CDH13: variants seen among roughly 807,000 people sequenced by gnomAD.
The protein encoded by CDH13 is cadherin-13.
In CDH13, 24 loss-of-function variants were observed where a neutral mutation model predicts 63.8. That is an observed-to-expected ratio of 0.38 (90% CI 0.27 to 0.53). The LOEUF is 0.53. Among genes scored for constraint, CDH13 ranks in the 20% least tolerant of loss-of-function variants. The pLI is 0.85. For missense variants in CDH13, 1,049 were observed against 903.1 expected, an observed-to-expected ratio of 1.16 and a Z score of -2.07; for synonymous variants, 503 against 355.3, an observed-to-expected ratio of 1.42 and a Z score of -4.67.
intron 6 of CDH13, among the ~76,000 whole-genome samples, chr16:83,385,968 T>C (rs1486231910): frequency 6.6e-6 from 1 of 152,226 alleles, no homozygotes; most frequent in East Asian, 1.9e-4. Flanking sequence ...ACTATGACCA[T>C]AGCCAGCCCT....
intron 10 of CDH13, among the ~76,000 whole-genome samples, chr16:83,732,528 A>C (rs548345216): frequency 3.3e-5 from 5 of 152,316 alleles, no homozygotes; most frequent in Admixed American, 1.3e-4. Context: ...TGTGAGCAAC[A>C]GAATAGAGGA....
At chr16:83,333,104 G>A (rs555296334) in intron 5 of CDH13, among the ~76,000 whole-genome samples, 1 of 152,184 alleles carries the variant, frequency 6.6e-6, no homozygotes, top group African/African-American at 2.4e-5. Context: ...TCTGTCAAGC[G>A]GGGGATAAAT....
intron 6 of CDH13, among the ~76,000 whole-genome samples, chr16:83,484,272 T>A (rs757629368): frequency 2.0e-5 from 3 of 152,210 alleles, no homozygotes; most frequent in Non-Finnish European, 2.9e-5. Flanking sequence ...ATGAATTCTA[T>A]CTTTCCTTTA....
intron 5 of CDH13, among the ~76,000 whole-genome samples, chr16:83,225,419 A>C (rs1318274072): frequency 6.6e-6 from 1 of 152,114 alleles, no homozygotes; most frequent in African/African-American, 2.4e-5. Flanking sequence ...GAGCCAGGCA[A>C]ATTTGTCCCA....
rs188419064 is a variant in CDH13, at chr16:82,930,908, C to G, written c.157+72435C>G. Among the ~76,000 whole-genome samples, 109 of 152,314 alleles carry G rather than the reference C, an allele frequency of 7.2e-4. 1 individual carries two copies. The highest frequency in any genetic ancestry group is 2.5e-3 in the African/African-American group (105 of 41,582). Reference sequence around the variant, plus strand: ...TAGATTAAAATCCTGAGCTTTAAAACTTGCTTTTACCTGCAGACTCTAATG... The same window carrying G: ...TAGATTAAAATCCTGAGCTTTAAAAGTTGCTTTTACCTGCAGACTCTAATG... On this transcript the variant is annotated intron_variant, in intron 2 of 13. Coordinates refer to ENST00000567109, the MANE Select transcript of CDH13 (RefSeq NM_001257.5).
intron 3 of CDH13, among the ~76,000 whole-genome samples, chr16:83,058,522 C>G (rs140867099): frequency 6.6e-6 from 1 of 152,238 alleles, no homozygotes; most frequent in African/African-American, 2.4e-5. Context: ...ATGCTCTTGT[C>G]CAAATTCCAA....
At chr16:83,174,756 A>G (rs145156779) in intron 4 of CDH13, among the ~76,000 whole-genome samples, 3 of 152,254 alleles carry the variant, frequency 2.0e-5, no homozygotes, top group East Asian at 3.9e-4. Flanking sequence ...ACATTTCTAC[A>G]TGGTTGGGGA....
chr16:83,368,147 C>G (rs1295150414), intron 6 of CDH13, among the ~76,000 whole-genome samples: 2 of 152,130 alleles, frequency 1.3e-5, no homozygotes, highest in South Asian at 2.1e-4. Context: ...TGGGAGCTCT[C>G]TTTTAACATA....
At chr16:83,476,685 C>G (rs993153772) in intron 6 of CDH13, among the ~76,000 whole-genome samples, 3 of 152,042 alleles carry the variant, frequency 2.0e-5, no homozygotes, top group Admixed American at 6.6e-5. Context: ...TCAAAAAAAA[C>G]TCTTAAATTG....
At chr16:83,196,655 G>C (rs1184474406) in intron 4 of CDH13, among the ~76,000 whole-genome samples, 2 of 152,130 alleles carry the variant, frequency 1.3e-5, no homozygotes. Context: ...CAGCAAAGGG[G>C]ATATGAGGAT....
intron 3 of CDH13, among the ~76,000 whole-genome samples, chr16:83,072,271 G>C (rs1480371841): frequency 6.6e-6 from 1 of 152,170 alleles, no homozygotes; most frequent in Non-Finnish European, 1.5e-5. Context: ...TGTCCAAGGT[G>C]TTCCAAAGAT....
intron 3 of CDH13, among the ~76,000 whole-genome samples, chr16:83,105,151 G>A (rs1597344929): frequency 6.6e-6 from 1 of 152,288 alleles, no homozygotes; most frequent in East Asian, 1.9e-4. Context: ...ATTTTAAGAG[G>A]AGGATCGATT....
At chr16:83,754,902 A>G (rs1185920132) in intron 11 of CDH13, among the ~76,000 whole-genome samples, 3 of 152,170 alleles carry the variant, frequency 2.0e-5, no homozygotes, top group Non-Finnish European at 4.4e-5. Context: ...TCATAGCACC[A>G]TATGTCATCT....
intron 5 of CDH13, among the ~76,000 whole-genome samples, chr16:83,305,828 G>A (rs1036264009): frequency 6.6e-6 from 1 of 152,144 alleles, no homozygotes; most frequent in African/African-American, 2.4e-5. Context: ...ACGCATAATA[G>A]ATACTCAATA....
At chr16:82,880,828 A>G (rs886913303) in intron 2 of CDH13, among the ~76,000 whole-genome samples, 2 of 152,232 alleles carry the variant, frequency 1.3e-5, no homozygotes, top group Admixed American at 6.5e-5. Context: ...AAGAAAATTT[A>G]GATACAACTC....
intron 1 of CDH13, among the ~76,000 whole-genome samples, chr16:82,712,985 C>G (rs1282847437): frequency 6.6e-6 from 1 of 152,082 alleles, no homozygotes; most frequent in Non-Finnish European, 1.5e-5. Flanking sequence ...CAGGCATGAG[C>G]ACAATGTCCT....
chr16:82,915,414 G>C (rs1052093136), intron 2 of CDH13, among the ~76,000 whole-genome samples: 3 of 152,160 alleles, frequency 2.0e-5, no homozygotes, highest in African/African-American at 7.2e-5. Flanking sequence ...TTTGTAAACT[G>C]TAACGAAGGT....
intron 9 of CDH13, among the ~76,000 whole-genome samples, chr16:83,676,319 G>C (rs1296116180): frequency 6.6e-6 from 1 of 152,156 alleles, no homozygotes. Flanking sequence ...GTGCTGGTGT[G>C]GGGTGGAAAT....
At chr16:83,302,088 G>T (rs918616394) in intron 5 of CDH13, among the ~76,000 whole-genome samples, 3 of 152,128 alleles carry the variant, frequency 2.0e-5, no homozygotes, top group Non-Finnish European at 2.9e-5. Flanking sequence ...ACCTCATGTT[G>T]TTGTGAGTAC....
Sources: gnomAD v4.1 joint callset for allele counts (sites outside exome capture counted in the v4.1 genomes callset) on GRCh38, gnomAD v4.1.1 for gene constraint, MANE v1.5 for transcripts, NCBI Gene and HGNC (gene_info 2026-07-23, HGNC 2026-07-21) for gene names.